RAPGEF4: variants seen among roughly 807,000 people sequenced by gnomAD.
The protein encoded by RAPGEF4 is RAP guanine-nucleotide-exchange factor (GEF) 4.
A neutral mutation model predicts 147.9 loss-of-function variants in RAPGEF4; 66 were observed. That is an observed-to-expected ratio of 0.45 (90% CI 0.37 to 0.55). The LOEUF (loss-of-function observed/expected upper bound fraction) is 0.55. Among genes scored for constraint, RAPGEF4 ranks in the 20% least tolerant of loss-of-function variants. The probability of loss-of-function intolerance (pLI) is 0.00; values close to 1 mark genes in which losing one functional copy is unlikely to be tolerated. For synonymous variants in RAPGEF4, 419 were observed against 442.7 expected (o/e 0.95, Z 0.67); for missense variants, 1,071 against 1,257.3 (o/e 0.85, Z 2.24).
chr2:173,005,421 A>G (rs1444706297), intron 17 of RAPGEF4, among the ~76,000 whole-genome samples: 4 of 151,026 alleles, frequency 2.6e-5, no homozygotes, highest in African/African-American at 9.8e-5. Context: ...GATTCAGAGT[A>G]TTTTCACATT....
intron 1 of RAPGEF4, among the ~76,000 whole-genome samples, chr2:172,790,642 C>T (rs2149533339): frequency 6.6e-6 from 1 of 152,302 alleles, no homozygotes; most frequent in East Asian, 1.9e-4. Context: ...TTCCAAAATG[C>T]ATATCCAAGC....
chr2:172,921,431 C>T (rs149012795), intron 5 of RAPGEF4, among the ~76,000 whole-genome samples: 12 of 152,254 alleles, frequency 7.9e-5, no homozygotes, highest in Non-Finnish European at 1.3e-4. Context: ...TCCTGTGTAG[C>T]TCCTTGTGTA....
chr2:173,012,573 C>T (rs1695128329), intron 17 of RAPGEF4, among the ~76,000 whole-genome samples: 1 of 152,208 alleles, frequency 6.6e-6, no homozygotes, highest in African/African-American at 2.4e-5. Flanking sequence ...GTTTGTGGCA[C>T]CTATCTGATT....
intron 6 of RAPGEF4, chr2:172,928,290 G>T: frequency 2.2e-6 from 1 of 445,902 alleles, no homozygotes; most frequent in South Asian, 1.6e-5. Context: ...TATTCCATCT[G>T]TTCCTCAACT....
At chr2:172,740,750 C>T (rs1436541271) in intron 1 of RAPGEF4, among the ~76,000 whole-genome samples, 1 of 152,224 alleles carries the variant, frequency 6.6e-6, no homozygotes, top group Admixed American at 6.5e-5. Flanking sequence ...CCGGTACATC[C>T]TCCAGGGCTC....
chr2:172,825,693 T>C (rs935130009), intron 4 of RAPGEF4, among the ~76,000 whole-genome samples: 2 of 152,240 alleles, frequency 1.3e-5, no homozygotes, highest in African/African-American at 4.8e-5. Context: ...TTACTTTTCA[T>C]GTTTCATAAT....
At chr2:172,912,713 A>G (rs1683569842) in intron 4 of RAPGEF4, among the ~76,000 whole-genome samples, 1 of 152,302 alleles carries the variant, frequency 6.6e-6, no homozygotes. Flanking sequence ...TATACAGCTA[A>G]GAGAAAGCAG....
chr2:172,797,050 A>G (rs1365501632), intron 2 of RAPGEF4, among the ~76,000 whole-genome samples: 1 of 152,238 alleles, frequency 6.6e-6, no homozygotes, highest in African/African-American at 2.4e-5. Flanking sequence ...TAAATGCTTA[A>G]AAGCAGTGAA....
intron 1 of RAPGEF4, among the ~76,000 whole-genome samples, chr2:172,794,502 C>T (rs776774936): frequency 5.3e-5 from 8 of 152,140 alleles, no homozygotes; most frequent in Non-Finnish European, 8.8e-5. Context: ...CTGCTCCCTG[C>T]GGACAGTCCC....
At chr2:172,813,324 T>C (rs1242000118) in intron 3 of RAPGEF4, among the ~76,000 whole-genome samples, 1 of 152,240 alleles carries the variant, frequency 6.6e-6, no homozygotes, top group African/African-American at 2.4e-5. Flanking sequence ...GCTATTTGCA[T>C]TATTTGAAAC....
At chr2:172,836,291 T>C (rs552373332) in intron 4 of RAPGEF4, among the ~76,000 whole-genome samples, 1 of 152,230 alleles carries the variant, frequency 6.6e-6, no homozygotes, top group South Asian at 2.1e-4. Flanking sequence ...CACATGTCTA[T>C]GGCAATTTCC....
At chr2:172,966,115 G>A (rs1257635995) in intron 9 of RAPGEF4, among the ~76,000 whole-genome samples, 1 of 152,190 alleles carries the variant, frequency 6.6e-6, no homozygotes, top group Non-Finnish European at 1.5e-5. Flanking sequence ...CGCTGTCTGG[G>A]AGAGCCAATT....
chr2:172,996,237 AG>A (rs1343157142), intron 15 of RAPGEF4, among the ~76,000 whole-genome samples: 1 of 152,180 alleles, frequency 6.6e-6, no homozygotes, highest in Non-Finnish European at 1.5e-5. Context: ...ATTTCCATAT[AG>A]GGAAAAAAGA....
At chr2:172,929,303 C>T (rs761908355) in intron 6 of RAPGEF4, among the ~76,000 whole-genome samples, 1 of 152,100 alleles carries the variant, frequency 6.6e-6, no homozygotes, top group Non-Finnish European at 1.5e-5. Flanking sequence ...GGCAGGTTCC[C>T]TAAGTCCACA....
chr2:172,993,327 A>G (rs1575465678), intron 15 of RAPGEF4, among the ~76,000 whole-genome samples: 2 of 152,140 alleles, frequency 1.3e-5, no homozygotes, highest in South Asian at 2.1e-4. Flanking sequence ...TTTGAAATGC[A>G]TATTCCTGTT....
chr2:172,781,875 T>C (rs1684714790), intron 1 of RAPGEF4, among the ~76,000 whole-genome samples: 1 of 152,218 alleles, frequency 6.6e-6, no homozygotes, highest in African/African-American at 2.4e-5. Flanking sequence ...TATTTTGTAT[T>C]GTATTGTTTT....
chr2:172,995,754 A>G (rs1383403046), intron 15 of RAPGEF4, among the ~76,000 whole-genome samples: 1 of 152,220 alleles, frequency 6.6e-6, no homozygotes, highest in Non-Finnish European at 1.5e-5. Flanking sequence ...TAAAAAATAA[A>G]TCCTCCTGTG....
intron 1 of RAPGEF4, among the ~76,000 whole-genome samples, chr2:172,750,307 A>T (rs1480218668): frequency 6.6e-6 from 1 of 152,114 alleles, no homozygotes; most frequent in African/African-American, 2.4e-5. Context: ...ATGGACTCAC[A>T]ATTCCACGTG....
chr2:172,742,064 C>A (rs945776773), intron 1 of RAPGEF4, among the ~76,000 whole-genome samples: 1 of 152,158 alleles, frequency 6.6e-6, no homozygotes, highest in Non-Finnish European at 1.5e-5. Context: ...TCCCCACTCC[C>A]CCCAGGATTA....
Sources: gnomAD v4.1 joint callset for allele counts (sites outside exome capture counted in the v4.1 genomes callset) on GRCh38, gnomAD v4.1.1 for gene constraint, MANE v1.5 for transcripts, NCBI Gene and HGNC (gene_info 2026-07-23, HGNC 2026-07-21) for gene names.